Variants in CNTNAP4 observed in about 807,000 individuals in gnomAD.
The protein encoded by CNTNAP4 is contactin-associated protein-like 4.
A neutral mutation model predicts 148.4 loss-of-function variants in CNTNAP4; 98 were observed. That is an observed-to-expected ratio of 0.66 (90% CI 0.56 to 0.78). CNTNAP4 has a LOEUF of 0.78. Among genes scored for constraint, CNTNAP4 ranks in the 30% least tolerant of loss-of-function variants. The probability of loss-of-function intolerance (pLI) is 0.00; values close to 1 mark genes in which losing one functional copy is unlikely to be tolerated. For synonymous variants in CNTNAP4, 730 were observed against 565.1 expected (o/e 1.29, Z -4.14); for missense variants, 1,935 against 1,565.6 (o/e 1.24, Z -3.98).
intron 3 of CNTNAP4, among the ~76,000 whole-genome samples, chr16:76,379,100 T>C (rs1022403496): frequency 4.6e-5 from 7 of 152,186 alleles, no homozygotes; most frequent in Non-Finnish European, 8.8e-5. Flanking sequence ...TCCATGCTCA[T>C]GGGATGCCTT....
chr16:76,545,371 C>T (rs942825095), intron 21 of CNTNAP4, among the ~76,000 whole-genome samples: 2 of 152,024 alleles, frequency 1.3e-5, no homozygotes, highest in Admixed American at 6.6e-5. Context: ...GTTCCAAATC[C>T]AAAAAGTATT....
intron 16 of CNTNAP4, 73 bp downstream of exon 16, chr16:76,521,383 C>G: frequency 1.6e-6 from 2 of 1,238,074 alleles, no homozygotes; most frequent in South Asian, 3.1e-5. Context: ...AATTTTTAAA[C>G]TACTCATGTG....
intron 3 of CNTNAP4, among the ~76,000 whole-genome samples, chr16:76,404,796 C>A (rs916787966): frequency 6.6e-6 from 1 of 152,058 alleles, no homozygotes; most frequent in Non-Finnish European, 1.5e-5. Flanking sequence ...TAATGGCTTT[C>A]TGCTAATGAA....
rs143359559 is a variant in CNTNAP4, at chr16:76,510,615, C to T, written c.2366-10525C>T. Among the ~76,000 whole-genome samples the T allele has an allele frequency of 2.5e-3, 387 of 152,230 alleles. 2 individuals are homozygous for T. The highest frequency in any genetic ancestry group is 8.9e-3 in the African/African-American group (369 of 41,554). On this transcript the variant is annotated intron_variant, in intron 15 of 23. Transcript: ENST00000611870. ...AGTAGTTTGCATATATGATCCCATA[C>T]TTGTCTGTGCTGAGGAATGCAGTTG...
chr16:76,328,561 C>G (rs1426062466), intron 2 of CNTNAP4, among the ~76,000 whole-genome samples: 1 of 151,924 alleles, frequency 6.6e-6, no homozygotes, highest in African/African-American at 2.4e-5. Context: ...CTAAGGAGAT[C>G]CAAATAAAGC....
chr16:76,417,784 A>G (rs1158054536), intron 3 of CNTNAP4, among the ~76,000 whole-genome samples: 3 of 151,642 alleles, frequency 2.0e-5, no homozygotes, highest in South Asian at 2.1e-4. Flanking sequence ...TAGGGAAGGA[A>G]TGCTCTCGAT....
At position 76,551,833 on chromosome 16, in the gene CNTNAP4, A is replaced by G. The variant is rs147506911; in HGVS notation, c.3443-1450A>G. Among the ~76,000 whole-genome samples, 386 of 152,318 alleles carry G rather than the reference A, an allele frequency of 2.5e-3. 1 individual carries two copies. Among genetic ancestry groups the G allele is most frequent in the African/African-American group, 8.8e-3 (367 of 41,572 alleles). On this transcript the variant is annotated intron_variant, in intron 21 of 23. Transcript: ENST00000611870. ...TTAACTTCCTGGGAACGTAGATTCA[A>G]GTTGCCCTGAATATACACTCCCATA... is the stretch of plus-strand genomic sequence containing the variant.
chr16:76,335,741 C>G (rs751760242), intron 2 of CNTNAP4, among the ~76,000 whole-genome samples: 4 of 152,086 alleles, frequency 2.6e-5, no homozygotes, highest in African/African-American at 4.8e-5. Flanking sequence ...TGCCATGTGA[C>G]AAGAACCCCT....
chr16:76,403,670 A>G (rs1242469266), intron 3 of CNTNAP4, among the ~76,000 whole-genome samples: 1 of 152,328 alleles, frequency 6.6e-6, no homozygotes, highest in Admixed American at 6.5e-5. Context: ...CAGAACCACC[A>G]TTTGGCCCAA....
intron 21 of CNTNAP4, among the ~76,000 whole-genome samples, chr16:76,544,419 A>G (rs1163807140): frequency 6.6e-6 from 1 of 152,186 alleles, no homozygotes; most frequent in Non-Finnish European, 1.5e-5. Flanking sequence ...ACTAGCAGAT[A>G]TTGAGAAAGG....
chr16:76,317,430 C>G (rs959259432), intron 2 of CNTNAP4, among the ~76,000 whole-genome samples: 1 of 152,084 alleles, frequency 6.6e-6, no homozygotes, highest in African/African-American at 2.4e-5. Flanking sequence ...ACACTGTGTA[C>G]TTAGAGACAG....
At chr16:76,455,149 A>T (rs1309469793) in intron 8 of CNTNAP4, among the ~76,000 whole-genome samples, 1 of 152,214 alleles carries the variant, frequency 6.6e-6, no homozygotes, top group African/African-American at 2.4e-5. Context: ...ATCCCTTATG[A>T]CACAAAATAT....
At chr16:76,335,372 G>A (rs1284794512) in intron 2 of CNTNAP4, among the ~76,000 whole-genome samples, 1 of 152,146 alleles carries the variant, frequency 6.6e-6, no homozygotes, top group Non-Finnish European at 1.5e-5. Flanking sequence ...ATGCTTAAGA[G>A]AAAGCAGATG....
intron 2 of CNTNAP4, among the ~76,000 whole-genome samples, chr16:76,343,533 T>A (rs1964659650): frequency 6.6e-6 from 1 of 152,278 alleles, no homozygotes; most frequent in Non-Finnish European, 1.5e-5. Context: ...TAGCATGTAA[T>A]CTGAGAAGAG....
At chr16:76,328,053 A>C (rs1232811744) in intron 2 of CNTNAP4, among the ~76,000 whole-genome samples, 1 of 152,206 alleles carries the variant, frequency 6.6e-6, no homozygotes. Flanking sequence ...ATTCCTGCTC[A>C]GAAGAATTCC....
intron 4 of CNTNAP4, among the ~76,000 whole-genome samples, chr16:76,438,498 C>T (rs13330989): frequency 1.1e-4 from 17 of 152,018 alleles, no homozygotes; most frequent in African/African-American, 4.1e-4. Flanking sequence ...AAGAGTATTG[C>T]CTTGGGAGTA....
chr16:76,359,876 A>C (rs1390183805), intron 3 of CNTNAP4, among the ~76,000 whole-genome samples: 1 of 152,206 alleles, frequency 6.6e-6, no homozygotes, highest in African/African-American at 2.4e-5. Context: ...AATTGCTGAG[A>C]TATCGTGAAA....
intron 2 of CNTNAP4, among the ~76,000 whole-genome samples, chr16:76,337,871 A>T (rs1319875310): frequency 6.6e-6 from 1 of 152,186 alleles, no homozygotes; most frequent in East Asian, 1.9e-4. Flanking sequence ...AAGAAGAAAA[A>T]TATGGCTCTA....
At chr16:76,346,820 T>G (rs1964941581) in intron 2 of CNTNAP4, among the ~76,000 whole-genome samples, 2 of 152,186 alleles carry the variant, frequency 1.3e-5, no homozygotes, top group Non-Finnish European at 2.9e-5. Context: ...TCAAAATGCC[T>G]GCATAGATAA....
Sources: gnomAD v4.1 joint callset for allele counts (sites outside exome capture counted in the v4.1 genomes callset) on GRCh38, gnomAD v4.1.1 for gene constraint, MANE v1.5 for transcripts, NCBI Gene and HGNC (gene_info 2026-07-23, HGNC 2026-07-21) for gene names.